Variants in NPAS3 observed in about 807,000 individuals in gnomAD.
The protein encoded by NPAS3 is neuronal PAS domain protein 3.
NPAS3 carries 14 observed loss-of-function variants against 73.1 expected under a neutral mutation model. That is an observed-to-expected ratio of 0.19 (90% CI 0.13 to 0.30). NPAS3 has a LOEUF of 0.30. NPAS3 is among the 10% of genes least tolerant of loss of function. The pLI is 1.00. For synonymous variants in NPAS3, 620 were observed against 541.5 expected (o/e 1.14, Z -2.01); for missense variants, 1,096 against 1,250.0 (o/e 0.88, Z 1.86).
intron 1 of NPAS3, among the ~76,000 whole-genome samples, chr14:32,980,990 A>C (rs375638094): frequency 6.6e-6 from 1 of 151,930 alleles, no homozygotes; most frequent in East Asian, 1.9e-4. Flanking sequence ...AAATTGTTAG[A>C]CTCCTCAGCA....
At chr14:33,784,096 G>GA (rs2063067638) in intron 9 of NPAS3, among the ~76,000 whole-genome samples, 1 of 152,154 alleles carries the variant, frequency 6.6e-6, no homozygotes, top group African/African-American at 2.4e-5. Flanking sequence ...ATATCAACAG[G>GA]AAAAATTTAA....
At chr14:33,697,415 T>C (rs1048755895) in intron 6 of NPAS3, among the ~76,000 whole-genome samples, 1 of 152,216 alleles carries the variant, frequency 6.6e-6, no homozygotes, top group Non-Finnish European at 1.5e-5. Context: ...CGGTTTTGAA[T>C]GATTTATTCT....
intron 4 of NPAS3, among the ~76,000 whole-genome samples, chr14:33,434,640 T>G (rs2048910989): frequency 6.6e-6 from 1 of 152,200 alleles, no homozygotes; most frequent in African/African-American, 2.4e-5. Context: ...CCATTAAAAT[T>G]CACACTGCAG....
chr14:33,434,408 G>A (rs914675851), intron 4 of NPAS3, among the ~76,000 whole-genome samples: 3 of 151,336 alleles, frequency 2.0e-5, no homozygotes, highest in Non-Finnish European at 4.4e-5. Context: ...ACACCTGTAG[G>A]TCCAGCTGCT....
chr14:33,655,205 T>G (rs940888087), intron 5 of NPAS3, among the ~76,000 whole-genome samples: 3 of 152,270 alleles, frequency 2.0e-5, no homozygotes, highest in Admixed American at 2.0e-4. Flanking sequence ...AACCCAGTTC[T>G]CCTAACTACC....
chr14:33,571,137 T>C (rs2056192142), intron 5 of NPAS3, among the ~76,000 whole-genome samples: 2 of 152,236 alleles, frequency 1.3e-5, no homozygotes, highest in Non-Finnish European at 2.9e-5. Context: ...TTTTGTCTGT[T>C]AGACATTGAG....
intron 2 of NPAS3, among the ~76,000 whole-genome samples, chr14:33,160,834 T>C (rs1368133149): frequency 6.6e-6 from 1 of 152,286 alleles, no homozygotes; most frequent in East Asian, 1.9e-4. Context: ...GGCCAGTGGC[T>C]AGCAAGCATT....
chr14:33,183,805 C>G (rs1328668486), intron 2 of NPAS3, among the ~76,000 whole-genome samples: 1 of 152,098 alleles, frequency 6.6e-6, no homozygotes, highest in Admixed American at 6.5e-5. Flanking sequence ...ATTGTCTGAT[C>G]CTTGCTGAAC....
At chr14:33,725,758 A>G (rs2061247871) in intron 6 of NPAS3, among the ~76,000 whole-genome samples, 2 of 152,134 alleles carry the variant, frequency 1.3e-5, no homozygotes. Context: ...AAGCCAGGCA[A>G]CTTCTAGCTA....
At chr14:33,578,090 G>C in intron 5 of NPAS3, 1 of 451,394 alleles carries the variant, frequency 2.2e-6, no homozygotes, top group Non-Finnish European at 4.4e-6. Flanking sequence ...CTTTCTAAAG[G>C]CCGTTACTGC....
intron 2 of NPAS3, among the ~76,000 whole-genome samples, chr14:33,135,727 AG>A (rs1430625143): frequency 2.6e-5 from 4 of 152,216 alleles, no homozygotes; most frequent in Non-Finnish European, 5.9e-5. Flanking sequence ...AGAAGAAAAA[AG>A]GGAAGGAAAA....
Position 33,308,381 on chromosome 14 carries a change from G to A in NPAS3, c.386-58805G>A, listed in dbSNP as rs184183263. Reference sequence around the variant, plus strand: ...CAGAAAATGGAAGTGATGAAGCTTGGCTTCACACAATAGCTTATACCAAAT... The same window carrying A: ...CAGAAAATGGAAGTGATGAAGCTTGACTTCACACAATAGCTTATACCAAAT... On this transcript the variant is annotated intron_variant, in intron 3 of 11. Coordinates refer to ENST00000356141, the Ensembl canonical transcript of NPAS3. 3.3e-5 allele frequency among the ~76,000 whole-genome samples: 5 copies of A among 151,798 alleles called. No homozygotes were observed. The East Asian group carries it at 9.6e-4, about 29-fold the overall frequency.
chr14:33,616,858 G>A (rs1311832910), intron 5 of NPAS3, among the ~76,000 whole-genome samples: 1 of 152,126 alleles, frequency 6.6e-6, no homozygotes, highest in African/African-American at 2.4e-5. Context: ...TCTGTCAGCC[G>A]AGTTTGTCCT....
chr14:33,436,144 G>A (rs1042897374), intron 4 of NPAS3, among the ~76,000 whole-genome samples: 10 of 152,172 alleles, frequency 6.6e-5, no homozygotes, highest in African/African-American at 2.4e-4. Flanking sequence ...GAAGGGGAGT[G>A]GTGGAAAGAA....
intron 3 of NPAS3, among the ~76,000 whole-genome samples, chr14:33,235,555 T>C (rs956508680): frequency 6.6e-6 from 1 of 152,018 alleles, no homozygotes; most frequent in Non-Finnish European, 1.5e-5. Flanking sequence ...TGGGGGAAAA[T>C]GATACTAGAG....
At chr14:33,160,230 C>T (rs926574880) in intron 2 of NPAS3, among the ~76,000 whole-genome samples, 1 of 151,970 alleles carries the variant, frequency 6.6e-6, no homozygotes, top group African/African-American at 2.4e-5. Flanking sequence ...TAAGTGATGC[C>T]ATGATCAAGT....
At chr14:33,658,927 T>C (rs2059227756) in intron 5 of NPAS3, among the ~76,000 whole-genome samples, 1 of 152,188 alleles carries the variant, frequency 6.6e-6, no homozygotes, top group Non-Finnish European at 1.5e-5. Flanking sequence ...TATGGGCTCC[T>C]GTTAATATAA....
At chr14:33,635,331 C>T (rs984937852) in intron 5 of NPAS3, among the ~76,000 whole-genome samples, 3 of 151,848 alleles carry the variant, frequency 2.0e-5, no homozygotes, top group African/African-American at 4.8e-5. Flanking sequence ...AGAGAGTTGT[C>T]GATGGAATTG....
chr14:33,776,619 A>G (rs546954295), intron 8 of NPAS3, among the ~76,000 whole-genome samples: 1 of 147,678 alleles, frequency 6.8e-6, no homozygotes, highest in African/African-American at 2.5e-5. Flanking sequence ...CCATCTACAG[A>G]TGATAGTAAT....
Sources: allele counts gnomAD v4.1 joint callset (sites outside exome capture counted in the v4.1 genomes callset), GRCh38; gene constraint gnomAD v4.1.1; transcripts MANE v1.5; gene names NCBI Gene and HGNC (gene_info 2026-07-23, HGNC 2026-07-21).